Variants in MYH11 observed in about 807,000 individuals in gnomAD.
MYH11 encodes myosin heavy chain 11.
In MYH11, 80 loss-of-function variants were observed where a neutral mutation model predicts 246.6. That is an observed-to-expected ratio of 0.32 (90% confidence interval 0.27 to 0.39). The LOEUF (loss-of-function observed/expected upper bound fraction) is 0.39, where lower values mean the gene tolerates loss of function less well. Among genes scored for constraint, MYH11 ranks in the 10% least tolerant of loss-of-function variants. The pLI is 1.00. For synonymous variants in MYH11, 1,071 were observed against 1,015.5 expected (o/e 1.05, Z -1.04); for missense variants, 2,158 against 2,546.8 (o/e 0.85, Z 3.29).
intron 3 of MYH11, among the ~76,000 whole-genome samples, chr16:15,802,997 C>G (rs2042922206): frequency 6.6e-6 from 1 of 151,826 alleles, no homozygotes; most frequent in Non-Finnish European, 1.5e-5. Context: ...ATTAGCCAGG[C>G]ATGGCGGCAG....
chr16:15,842,762 C>CAAAAAAAAAAAAAAAAAA (rs757920488), intron 1 of MYH11, among the ~76,000 whole-genome samples: 4 of 19,642 alleles, frequency 2.0e-4, no homozygotes, highest in African/African-American at 4.4e-4. Context: ...AGACTTCATC[C>CAAAAAAAAAAAAAAAAAA]AAAAAAAAAA....
chr16:15,705,984 CAA>C (rs57451847), intron 40 of MYH11, among the ~76,000 whole-genome samples: 10 of 56,758 alleles, frequency 1.8e-4, no homozygotes, highest in African/African-American at 5.6e-4. Context: ...GACTCCGTCT[CAA>C]AAAAAAAAAA....
chr16:15,779,859 C>T (rs757801744), intron 6 of MYH11, among the ~76,000 whole-genome samples: 1 of 152,218 alleles, frequency 6.6e-6, no homozygotes, highest in Non-Finnish European at 1.5e-5. Flanking sequence ...ACAGGTGAGA[C>T]AGGATTTCAT....
chr16:15,821,933 A>T lies in MYH11; in HGVS notation c.502+1322T>A, dbSNP rs1483192596. On this transcript the variant is annotated intron_variant, in intron 3 of 40. Coordinates refer to ENST00000300036, the MANE Select transcript of MYH11 (RefSeq NM_002474.3). ...GAGCGAGACTCCGTCTCAAAAAAAA[A>T]AAAAAGACAGATACCTGACTCCAGG... Among the ~76,000 whole-genome samples, 4 of 113,466 alleles carry T rather than the reference A, an allele frequency of 3.5e-5. 1 individual carries two copies. The highest frequency in any genetic ancestry group is 7.8e-5 in the Non-Finnish European group (4 of 51,208). 74.4% of individuals were successfully genotyped at this position (113,466 alleles called of 152,430 possible).
chr16:15,808,812 G>T (rs1326155628), intron 3 of MYH11, among the ~76,000 whole-genome samples: 1 of 152,188 alleles, frequency 6.6e-6, no homozygotes, highest in Non-Finnish European at 1.5e-5. Flanking sequence ...AAAATTGCTT[G>T]AGCCTAGGAG....
rs2041673234 is a variant in MYH11 at position 15,754,992 on chromosome 16, G to T, written c.1749+1349C>A. On this transcript the variant is annotated intron_variant, in intron 14 of 40. Coordinates refer to ENST00000300036, the MANE Select transcript of MYH11 (RefSeq NM_002474.3). ...CACCCAGCCAAGTCATACAGTCTTT[G>T]TCGCAGCTACTCAACTCTAGCACTG... Among the ~76,000 whole-genome samples the T allele has an allele frequency of 3.3e-5, 5 of 152,266 alleles. 1 individual carries two copies. In the South Asian group the frequency reaches 1.0e-3, roughly 32 times the overall value.
At chr16:15,739,947 G>T in intron 23 of MYH11, 104 bp downstream of exon 23, 2 of 1,226,226 alleles carry the variant, frequency 1.6e-6, no homozygotes, top group South Asian at 1.2e-5. Flanking sequence ...TTACCCTGTT[G>T]GCCAGGCTAG....
At chr16:15,727,199 T>G in intron 27 of MYH11, 145 bp from the exon 28 acceptor site, 1 of 699,106 alleles carries the variant, frequency 1.4e-6, no homozygotes, top group South Asian at 1.7e-5. Context: ...TGGGGTTTTT[T>G]TGTTGTTATT....
In MYH11 at chr16:15,720,894, T is replaced by G; in HGVS notation, c.4736A>C (p.Asp1579Ala). ...ATTCTGCTCGTCCCGGGCTTGGAGA[T>G]CCCTTTCGAACTGGCCCTTGAGCGC... is the stretch of plus-strand genomic sequence containing the variant. ...MQALKGQFER[D>A]LQARDEQNEE... is the part of the protein sequence containing the mutation. Residue 1579 changes from aspartate (D) to alanine (A), a missense_variant, in exon 33 of 41, where the codon GAT becomes GCT. Asp to Ala is a moderately radical substitution (Grantham distance 126, BLOSUM62 -2). Coordinates refer to ENST00000300036, the MANE Select transcript of MYH11 (RefSeq NM_002474.3). The G allele has an allele frequency of 5.0e-6, 8 of 1,613,944 alleles. No individual in the cohort carries two copies. Among genetic ancestry groups the G allele is most frequent in the Non-Finnish European group, 6.8e-6 (8 of 1,179,988 alleles).
At chr16:15,823,880 G>C (rs1411580998) in intron 2 of MYH11, among the ~76,000 whole-genome samples, 1 of 152,078 alleles carries the variant, frequency 6.6e-6, no homozygotes, top group Non-Finnish European at 1.5e-5. Context: ...TCTCATTTCA[G>C]CCTCCCAAAG....
In MYH11 at chr16:15,786,750, A is replaced by G. The variant is rs1567761245; in HGVS notation, c.531-18T>C. The G allele has an allele frequency of 3.1e-6, 5 of 1,606,538 alleles. No homozygotes were observed. The highest frequency in any genetic ancestry group is 4.3e-6 in the Non-Finnish European group (5 of 1,173,798). ...ACTCGCCTCTGAAAGACACGGGAAC[A>G]TCATCTATGCACACGTTCCATGGTG... On this transcript the variant is annotated intron_variant, in intron 4 of 40. Coordinates refer to ENST00000300036, the MANE Select transcript of MYH11 (RefSeq NM_002474.3).
At chr16:15,762,843 A>G (rs1474763685) in intron 10 of MYH11, among the ~76,000 whole-genome samples, 2 of 152,202 alleles carry the variant, frequency 1.3e-5, no homozygotes, top group African/African-American at 4.8e-5. Flanking sequence ...AGGTAAACCC[A>G]GTAAGCGGTT....
At chr16:15,731,868 A>G (rs1030205248) in intron 27 of MYH11, among the ~76,000 whole-genome samples, 3 of 152,104 alleles carry the variant, frequency 2.0e-5, no homozygotes, top group Non-Finnish European at 4.4e-5. Flanking sequence ...GGCTCACTGC[A>G]GCCTCAACCT....
chr16:15,782,451 T>C lies in MYH11; in HGVS notation c.660A>G (p.Gln220=), dbSNP rs889318337. 7 of 1,614,096 alleles carry C rather than the reference T, an allele frequency of 4.3e-6. No individual in the cohort carries two copies. In the African/African-American group the frequency reaches 9.3e-5, roughly 22 times the overall value. The change falls in exon 6 of 41, where the codon CAA becomes CAG. Residue 220 remains glutamine, a synonymous_variant. Coordinates refer to ENST00000300036, the MANE Select transcript of MYH11 (RefSeq NM_002474.3). The part of the protein sequence containing the change: ...ITGELEKQLL[Q]ANPILEAFGN... ...CGAAAGCCTCCAGAATCGGGTTTGC[T>C]TGTAGAAGCTGCTTTTCCAGCTCTC...
At chr16:15,815,448 G>GA (rs1555456181) in intron 3 of MYH11, among the ~76,000 whole-genome samples, 1 of 151,998 alleles carries the variant, frequency 6.6e-6, no homozygotes, top group Non-Finnish European at 1.5e-5. Context: ...AAGGGTTAGG[G>GA]AAAAAAGTTG....
intron 3 of MYH11, among the ~76,000 whole-genome samples, chr16:15,820,830 T>G (rs1184659468): frequency 6.6e-6 from 1 of 152,204 alleles, no homozygotes; most frequent in Admixed American, 6.5e-5. Flanking sequence ...TCTTATTACA[T>G]GTAAGCTGAA....
chr16:15,839,527 C>G (rs868719646), intron 1 of MYH11, among the ~76,000 whole-genome samples: 16 of 151,740 alleles, frequency 1.1e-4, no homozygotes, highest in African/African-American at 2.9e-4. Context: ...ACCCCTGTCT[C>G]TACTAAAAAT....
chr16:15,728,050 G>A (rs1171629748), intron 27 of MYH11, among the ~76,000 whole-genome samples: 6 of 152,192 alleles, frequency 3.9e-5, no homozygotes, highest in African/African-American at 7.2e-5. Flanking sequence ...CCAACATGGC[G>A]AAACTGCATC....
chr16:15,833,299 A>G (rs1320266424), intron 2 of MYH11, among the ~76,000 whole-genome samples: 1 of 151,616 alleles, frequency 6.6e-6, no homozygotes, highest in East Asian at 1.9e-4. Flanking sequence ...CCCATCTCAA[A>G]AGAAAGAAAA....
Sources: allele counts gnomAD v4.1 joint callset (sites outside exome capture counted in the v4.1 genomes callset), GRCh38; gene constraint gnomAD v4.1.1; transcripts MANE v1.5; gene names NCBI Gene and HGNC (gene_info 2026-07-23, HGNC 2026-07-21).